PRDM1: variants seen among roughly 807,000 people sequenced by gnomAD.
PRDM1 encodes the protein PR/SET domain 1.
PRDM1 carries 13 observed loss-of-function variants against 62.8 expected under a neutral mutation model. The ratio of observed to expected loss-of-function variants is 0.21; its 90% CI spans 0.13 to 0.33. PRDM1 has a LOEUF of 0.33. Among genes scored for constraint, PRDM1 ranks in the 10% least tolerant of loss-of-function variants. The pLI, the probability that PRDM1 is intolerant of heterozygous loss-of-function variation, is 1.00. For missense variants in PRDM1, 895 were observed against 1,058.8 expected, an observed-to-expected ratio of 0.85 and a Z score of 2.15; for synonymous variants, 396 against 417.6, an observed-to-expected ratio of 0.95 and a Z score of 0.63.
chr6:106,109,321 A>G lies in PRDM1; in HGVS notation c.*1835A>G. 1 of 232,794 alleles carries G rather than the reference A, an allele frequency of 4.3e-6. No individual in the cohort carries two copies. Among genetic ancestry groups the G allele is most frequent in the Non-Finnish European group, 8.5e-6 (1 of 117,616 alleles). 14.4% of individuals were successfully genotyped at this position (232,794 alleles called of 1,614,324 possible). A position where few individuals can be genotyped will look rare whatever the true frequency, so the allele number is the denominator to read the frequency against. Reference sequence around the variant, plus strand: ...ATTTTTTTTTTGCCACTTTATGATTATGTGGTCACACCCAAGTCACAGAAA... The same window carrying G: ...ATTTTTTTTTTGCCACTTTATGATTGTGTGGTCACACCCAAGTCACAGAAA... On this transcript the variant is annotated 3_prime_UTR_variant, in exon 7 of 7. Transcript: ENST00000369096.
chr6:106,010,479 G>A (rs1233632768), intron 1 of PRDM1, among the ~76,000 whole-genome samples: 1 of 151,994 alleles, frequency 6.6e-6, no homozygotes, highest in Non-Finnish European at 1.5e-5. Flanking sequence ...ATCAGCCCGT[G>A]CATCTAATTA....
chr6:106,056,693 T>TTA (rs1359971192), intron 1 of PRDM1, among the ~76,000 whole-genome samples: 1 of 152,208 alleles, frequency 6.6e-6, no homozygotes, highest in Non-Finnish European at 1.5e-5. Flanking sequence ...CACAAAGCAT[T>TTA]TAAAGAATGA....
At position 106,033,108 on chromosome 6, in the gene PRDM1, A is replaced by T. The variant is rs556181838; in HGVS notation, c.-67+39469A>T. 1.2e-3 allele frequency among the ~76,000 whole-genome samples: 188 copies of T among 152,114 alleles called. 1 individual carries two copies. The highest frequency in any genetic ancestry group is 3.4e-3 in the Middle Eastern group (1 of 294). On this transcript the variant is annotated intron_variant, in intron 1 of 6. Transcript: ENST00000652320. The stretch of plus-strand genomic sequence containing the variant: ...CAATTTTTAAATTGTGATAAAATAT[A>T]CATAACATAAAATTTACCATCTAAC...
intron 1 of PRDM1, among the ~76,000 whole-genome samples, chr6:106,023,406 A>G (rs6568426): frequency 0.61 from 92,476 of 151,806 alleles, 29,066 homozygotes; most frequent in East Asian, 0.81. Flanking sequence ...CCCAGAAGGC[A>G]GAGGTTGCAG....
upstream of PRDM1, among the ~76,000 whole-genome samples, chr6:106,044,345 G>A (rs754030535): frequency 6.6e-5 from 10 of 151,974 alleles, no homozygotes; most frequent in Non-Finnish European, 1.3e-4. Flanking sequence ...TGGAATACTA[G>A]GTAAATTTTG....
chr6:106,015,843 CA>C, intron 1 of PRDM1, among the ~76,000 whole-genome samples: 1 of 151,692 alleles, frequency 6.6e-6, no homozygotes, highest in Middle Eastern at 3.4e-3. Flanking sequence ...ATATACATGA[CA>C]AAAGTTACCA....
intron 1 of PRDM1, among the ~76,000 whole-genome samples, chr6:106,039,500 C>CT (rs1410166574): frequency 6.6e-6 from 1 of 152,162 alleles, no homozygotes; most frequent in Non-Finnish European, 1.5e-5. Flanking sequence ...ATTTTGGTTA[C>CT]TCATAAATGT....
chr6:106,076,131 T>C (rs1235602556), intron 1 of PRDM1, among the ~76,000 whole-genome samples: 2 of 151,922 alleles, frequency 1.3e-5, no homozygotes, highest in Non-Finnish European at 2.9e-5. Flanking sequence ...TTTATATTTT[T>C]GTAGAGATGG....
chr6:106,033,101 A>G (rs1044677086), intron 1 of PRDM1, among the ~76,000 whole-genome samples: 2 of 152,024 alleles, frequency 1.3e-5, no homozygotes, highest in African/African-American at 4.8e-5. Flanking sequence ...AAATTGTGAT[A>G]AAATATACAT....
intron 1 of PRDM1, among the ~76,000 whole-genome samples, chr6:106,009,032 C>T (rs1420892863): frequency 6.6e-6 from 1 of 152,182 alleles, no homozygotes; most frequent in East Asian, 1.9e-4. Context: ...AGGCCCCTCA[C>T]GGCAGTGGTT....
In PRDM1 at chr6:106,105,096, T is replaced by C. The variant is rs781348008; in HGVS notation, c.936T>C (p.Ala312=). 2 of 1,613,940 alleles carry C rather than the reference T, an allele frequency of 1.2e-6. No individual in the cohort carries two copies. The highest frequency in any genetic ancestry group is 2.7e-5 in the African/African-American group (2 of 74,882). ...CTCTGCCAGAAGACTTTTTGAAAGC[T>C]TCCCTGGCCTACGGGATCGAGAGAC... The part of the protein sequence containing the change: ...RAPLPEDFLK[A]SLAYGIERPT... The change falls in exon 5 of 7, where the codon GCT becomes GCC. Residue 312 remains alanine (A), a synonymous_variant. Coordinates refer to ENST00000369096, the MANE Select transcript of PRDM1 (RefSeq NM_001198.4).
chr6:106,097,763 G>A (rs1476985582), intron 3 of PRDM1, among the ~76,000 whole-genome samples: 3 of 152,166 alleles, frequency 2.0e-5, no homozygotes, highest in East Asian at 1.9e-4. Context: ...CAACATACCC[G>A]TAGCTTTAGA....
intron 1 of PRDM1, among the ~76,000 whole-genome samples, chr6:106,063,804 G>T (rs555905979): frequency 6.6e-6 from 1 of 152,280 alleles, no homozygotes; most frequent in South Asian, 2.1e-4. Flanking sequence ...ATTTCCCCTT[G>T]TATGCGAGTC....
At chr6:106,052,341 G>C (rs1365531901) in intron 1 of PRDM1, among the ~76,000 whole-genome samples, 1 of 151,958 alleles carries the variant, frequency 6.6e-6, no homozygotes, top group African/African-American at 2.4e-5. Context: ...TGAATATTTT[G>C]GCAAGATTTT....
At position 106,105,125 on chromosome 6, in the gene PRDM1, C is replaced by G. The variant is rs773919379; in HGVS notation, c.965C>G (p.Thr322Arg). Residue 322 changes from threonine to arginine, a missense_variant, in exon 5 of 7, where the codon ACG becomes AGG. Thr to Arg is a moderately conservative substitution (Grantham distance 71, BLOSUM62 -1). Transcript: ENST00000369096. ...CTGGCCTACGGGATCGAGAGACCCA[C>G]GTACATCACTCGCTCCCCCATTCCA... ...ASLAYGIERP[T>R]YITRSPIPSS... is the part of the protein sequence containing the mutation. The G allele has an allele frequency of 3.1e-6, 5 of 1,613,850 alleles. No homozygotes were observed. Among genetic ancestry groups the G allele is most frequent in the Non-Finnish European group, 4.2e-6 (5 of 1,179,908 alleles).
At position 106,105,047 on chromosome 6, in the gene PRDM1, G is replaced by A. The variant is rs1214061937; in HGVS notation, c.887G>A (p.Arg296Gln). 6.2e-6 allele frequency: 10 copies of A among 1,614,048 alleles called. No individual in the cohort carries two copies. Among genetic ancestry groups the A allele is most frequent in the Middle Eastern group, 3.3e-4 (2 of 6,060 alleles). ...RGSPEMPFYPRVVYPIRAPLP... is the reference protein window; with the variant it reads ...RGSPEMPFYPQVVYPIRAPLP... ...AGCCCCGAAATGCCCTTCTACCCTC[G>A]GGTCGTTTACCCCATCCGGGCCCCT... The change falls in exon 5 of 7, where the codon CGG (arginine) becomes CAG (glutamine). Residue 296 changes from arginine (R) to glutamine (Q), a missense_variant. By Grantham distance (43) the Arg-to-Gln change is conservative. Around this residue, in one of 4 missense-constraint regions of PRDM1, gnomAD observed 444 missense variants for 422.7 expected, o/e 1.05. Coordinates refer to ENST00000369096, the MANE Select transcript of PRDM1 (RefSeq NM_001198.4).
chr6:106,081,820 ACTGTAGGGTCC>A (rs1050349382), upstream of PRDM1, among the ~76,000 whole-genome samples: 1 of 152,144 alleles, frequency 6.6e-6, no homozygotes, highest in Non-Finnish European at 1.5e-5. Context: ...GGCAGGTACA[ACTGTAGGGTCC>A]CTTTTCCTCT....
In PRDM1 at chr6:106,106,239, A is replaced by G. The variant is rs1774483832; in HGVS notation, c.1774-132A>G. ...GAAAAACACCATTCTGAAAACATGA[A>G]GATTTCTTCTTTTTAAGACTGTCTT... On this transcript the variant is annotated intron_variant, in intron 5 of 6. Transcript: ENST00000369096. This position sits in a 1 kb window ranked among gnomAD's most constrained non-coding sequence, Gnocchi z 4.4. 7.3e-7 allele frequency: 1 copy of G among 1,377,098 alleles called. No homozygotes were observed. The highest frequency in any genetic ancestry group is 9.8e-7 in the Non-Finnish European group (1 of 1,015,844). The allele number at this position is 1,377,098 out of a possible 1,614,324, so 85.3% of individuals were successfully genotyped here.
intron 1 of PRDM1, among the ~76,000 whole-genome samples, chr6:106,009,268 G>A (rs1436816221): frequency 6.6e-6 from 1 of 152,222 alleles, no homozygotes; most frequent in Non-Finnish European, 1.5e-5. Context: ...TGTTACTCGT[G>A]TGCTTCAAAG....
Sources: gnomAD v4.1 joint callset for allele counts (sites outside exome capture counted in the v4.1 genomes callset) on GRCh38, gnomAD v4.1.1 for gene constraint, gnomAD v4.1.1 regional missense constraint, Gnocchi (gnomAD v3.1) non-coding constraint, MANE v1.5 for transcripts, NCBI Gene and HGNC (gene_info 2026-07-23, HGNC 2026-07-21) for gene names.